TRIM22: variants seen among roughly 807,000 people sequenced by gnomAD.
TRIM22 encodes the protein tripartite motif containing 22.
In TRIM22, 45 loss-of-function variants were observed where a neutral mutation model predicts 53.6. That is an observed-to-expected ratio of 0.84 (90% confidence interval 0.66 to 1.08). The LOEUF is 1.08. Ranked by LOEUF, TRIM22 falls within the 50% of genes least tolerant of loss-of-function variation. The pLI is 0.00. For synonymous variants in TRIM22, 225 were observed against 216.6 expected, an observed-to-expected ratio of 1.04 and a Z score of -0.34; for missense variants, 616 against 590.9, an observed-to-expected ratio of 1.04 and a Z score of -0.44.
chr11:5,698,918 G>C (rs149296696), intron 4 of TRIM22, among the ~76,000 whole-genome samples: 44 of 152,296 alleles, frequency 2.9e-4, no homozygotes, highest in African/African-American at 1.0e-3. Flanking sequence ...TTTTCTGTCT[G>C]TATAGAATTG....
At chr11:5,700,334 C>T (rs978052320) in intron 4 of TRIM22, among the ~76,000 whole-genome samples, 1 of 151,990 alleles carries the variant, frequency 6.6e-6, no homozygotes, top group African/African-American at 2.4e-5. Context: ...AGGCTGGTCT[C>T]GAACTCTTGA....
chr11:5,709,344 A>G lies in TRIM22; in HGVS notation c.1193A>G (p.Tyr398Cys). ...CCAAGTGTAAATTATTCAAAAGTTT[A>G]CTCCAGATATAGACCTCAATATGGC... ...FDPSVNYSKV[Y>C]SRYRPQYGYW... Residue 398 changes from tyrosine to cysteine, a missense_variant, in exon 8 of 8, where the codon TAC (tyrosine) becomes TGC (cysteine). Physicochemically the swap from Tyr to Cys is radical, Grantham distance 194. Transcript: ENST00000379965. 11 of 1,614,098 alleles carry G rather than the reference A, an allele frequency of 6.8e-6. No homozygotes were observed. Among genetic ancestry groups the G allele is most frequent in the Non-Finnish European group, 9.3e-6 (11 of 1,180,020 alleles).
chr11:5,696,837 T>C, intron 2 of TRIM22, 182 bp downstream of exon 2: 1 of 650,464 alleles, frequency 1.5e-6, no homozygotes, highest in Non-Finnish European at 2.5e-6. Context: ...CATTGTTTTA[T>C]TTAAAAAAGA....
rs770713012 is a variant in TRIM22 at position 5,706,617 on chromosome 11, G to A, written c.773+1G>A. The A allele has an allele frequency of 1.2e-6, 2 of 1,611,500 alleles. No individual in the cohort carries two copies. Among genetic ancestry groups the A allele is most frequent in the East Asian group, 2.2e-5 (1 of 44,788 alleles). ...AGGATGTGATTGACGTCATGAAAAG[G>A]TATATGTGGAAGAGAGATGTGGTCT... On this transcript the variant is annotated splice_donor_variant, in intron 5 of 7. Transcript: ENST00000379965. LOFTEE classifies it high-confidence loss of function.
intron 2 of TRIM22, 90 bp downstream of exon 2, chr11:5,696,745 C>A: frequency 7.3e-7 from 1 of 1,374,456 alleles, no homozygotes; most frequent in Non-Finnish European, 9.8e-7. Flanking sequence ...CTTTATTCCC[C>A]TTGTCACCAT....
At position 5,709,132 on chromosome 11, in the gene TRIM22, C is replaced by T. The variant is rs751130560; in HGVS notation, c.981C>T (p.Arg327=). Residue 327 remains arginine (R), a synonymous_variant, in exon 8 of 8, where the codon CGC becomes CGT. Coordinates refer to ENST00000379965, the MANE Select transcript of TRIM22 (RefSeq NM_006074.5). ...SVDQRQVKTV[R]TCTFKNSNPC... is the part of the protein sequence containing the mutation. ...ATCAGAGACAAGTGAAAACTGTACG[C>T]ACCTGCACATTTAAGAATTCAAATC... The T allele has an allele frequency of 5.6e-6, 9 of 1,614,060 alleles. No individual in the cohort carries two copies. The highest frequency in any genetic ancestry group is 1.3e-5 in the African/African-American group (1 of 74,928).
At chr11:5,704,650 GTTTA>G (rs545374975) in intron 4 of TRIM22, among the ~76,000 whole-genome samples, 95 of 152,092 alleles carry the variant, frequency 6.2e-4, no homozygotes, top group African/African-American at 2.3e-3. Flanking sequence ...GTAAAGATCT[GTTTA>G]TTTATTTTTT....
intron 1 of TRIM22, among the ~76,000 whole-genome samples, chr11:5,693,125 A>C (rs1223361521): frequency 1.3e-5 from 2 of 150,686 alleles, no homozygotes; most frequent in Admixed American, 6.6e-5. Flanking sequence ...GACCTCAGGT[A>C]ATCTGCCCGC....
intron 4 of TRIM22, among the ~76,000 whole-genome samples, chr11:5,705,059 C>T (rs1853439027): frequency 6.6e-6 from 1 of 152,126 alleles, no homozygotes; most frequent in Non-Finnish European, 1.5e-5. Context: ...CCATCCCTAC[C>T]CTGCCTCATT....
At chr11:5,691,761 C>CT (rs1205906639) in intron 1 of TRIM22, among the ~76,000 whole-genome samples, 5 of 152,188 alleles carry the variant, frequency 3.3e-5, no homozygotes, top group African/African-American at 1.2e-4. Flanking sequence ...TTATCTCGAT[C>CT]TTATCGCTGA....
chr11:5,708,998 C>T (rs751669247), intron 7 of TRIM22, 55 bp from the exon 8 acceptor site: 80 of 1,338,282 alleles, frequency 6.0e-5, no homozygotes, highest in Non-Finnish European at 8.3e-5. Context: ...CTTCTCAATG[C>T]TGTAAGACAC....
chr11:5,710,778 A>AT lies in TRIM22; in HGVS notation c.*1131dup, dbSNP rs1235248570. The AT allele has an allele frequency of 6.6e-6, 1 of 152,164 alleles. No homozygotes were observed. The highest frequency in any genetic ancestry group is 2.4e-5 in the African/African-American group (1 of 41,448). The allele number at this position is 152,164 out of a possible 1,614,324, so 9.4% of individuals were successfully genotyped here. A position where few individuals can be genotyped will look rare whatever the true frequency, so the allele number is the denominator to read the frequency against. On this transcript the variant is annotated 3_prime_UTR_variant, in exon 8 of 8. Coordinates refer to ENST00000379965, the MANE Select transcript of TRIM22 (RefSeq NM_006074.5). ...TATTGTTCTGATTATTACTGAAAAGATGTCAGCCATTTCAATGTCTTGGGA... is the reference window on the plus strand; with the variant it reads ...TATTGTTCTGATTATTACTGAAAAGATTGTCAGCCATTTCAATGTCTTGGGA...
At chr11:5,698,261 A>G in intron 3 of TRIM22, 54 bp from the exon 4 acceptor site, 1 of 1,460,800 alleles carries the variant, frequency 6.8e-7, no homozygotes, top group Non-Finnish European at 9.6e-7. Flanking sequence ...GGCTCATACA[A>G]AGCAGGCCTT....
At chr11:5,690,758 T>C (rs1853160358) in intron 1 of TRIM22, among the ~76,000 whole-genome samples, 1 of 152,210 alleles carries the variant, frequency 6.6e-6, no homozygotes, top group African/African-American at 2.4e-5. Flanking sequence ...AGGCAGCAAA[T>C]TCCTTCCTCC....
intron 4 of TRIM22, among the ~76,000 whole-genome samples, chr11:5,698,888 A>T (rs531298960): frequency 6.6e-6 from 1 of 151,986 alleles, no homozygotes; most frequent in African/African-American, 2.4e-5. Flanking sequence ...TTCTACCTCC[A>T]CCTCCTGGCA....
chr11:5,690,014 G>A (rs1853149156), intron 1 of TRIM22, 115 bp downstream of exon 1: 1 of 152,262 alleles, frequency 6.6e-6, no homozygotes, highest in East Asian at 1.9e-4. Context: ...AACAAAAAGA[G>A]GCAGCTTGTG....
intron 2 of TRIM22, 48 bp downstream of exon 2, chr11:5,696,703 C>A (rs1377472374): frequency 8.4e-6 from 13 of 1,543,204 alleles, no homozygotes; most frequent in Non-Finnish European, 9.6e-6. Flanking sequence ...GAAGATGGTA[C>A]CTAATGTGAA....
chr11:5,708,274 G>T lies in TRIM22; in HGVS notation c.874+1G>T, dbSNP rs777319013. 3.7e-6 allele frequency: 6 copies of T among 1,611,614 alleles called. No homozygotes were observed. In the East Asian group the frequency reaches 1.3e-4, roughly 36 times the overall value. Reference sequence around the variant, plus strand: ...AGTGGGATGCTGCAAGTTCTTAAAGGTAAGGGGATTCAGGGGAAGGCTGTG... The same window carrying T: ...AGTGGGATGCTGCAAGTTCTTAAAGTTAAGGGGATTCAGGGGAAGGCTGTG... On this transcript the variant is annotated splice_donor_variant, in intron 6 of 7. Transcript: ENST00000379965. LOFTEE classifies it high-confidence loss of function.
chr11:5,698,619 A>G lies in TRIM22; in HGVS notation c.750+74A>G, dbSNP rs567385152. 773 of 1,199,104 alleles carry G rather than the reference A, an allele frequency of 6.4e-4. 1 individual carries two copies. The highest frequency in any genetic ancestry group is 2.7e-3 in the Middle Eastern group (10 of 3,768). The allele number at this position is 1,199,104 out of a possible 1,614,324, so 74.3% of individuals were successfully genotyped here. On this transcript the variant is annotated intron_variant, in intron 4 of 7. Coordinates refer to ENST00000379965, the MANE Select transcript of TRIM22 (RefSeq NM_006074.5). ...AGAGGCCGATTTTCCTTCCCTTCCC[A>G]GTCTCTAGGCTTTCTTCTGTGTGGT... is the stretch of plus-strand genomic sequence containing the variant.
Sources: gnomAD v4.1 joint callset for allele counts (sites outside exome capture counted in the v4.1 genomes callset) on GRCh38, gnomAD v4.1.1 for gene constraint, MANE v1.5 for transcripts, NCBI Gene and HGNC (gene_info 2026-07-23, HGNC 2026-07-21) for gene names.